RFX4: variants seen among roughly 807,000 people sequenced by gnomAD.
RFX4 encodes the protein transcription factor RFX4.
In RFX4, 10 loss-of-function variants were observed where a neutral mutation model predicts 95.0. The observed-to-expected ratio is 0.11, with a 90% CI of 0.06 to 0.18. The LOEUF (loss-of-function observed/expected upper bound fraction) is 0.18, where lower values mean the gene tolerates loss of function less well. Among genes scored for constraint, RFX4 ranks in the 10% least tolerant of loss-of-function variants. The pLI, the probability that RFX4 is intolerant of heterozygous loss-of-function variation, is 1.00. For missense variants in RFX4, 640 were observed against 922.0 expected (o/e 0.69, Z 3.96); for synonymous variants, 321 against 340.7 (o/e 0.94, Z 0.64).
chr12:106,621,314 A>G (rs1030647318), intron 2 of RFX4, among the ~76,000 whole-genome samples: 4 of 152,208 alleles, frequency 2.6e-5, no homozygotes, highest in African/African-American at 9.6e-5. Context: ...TTCCCACAAC[A>G]CAGCAAGTGT....
chr12:106,752,801 G>A (rs2043034401), intron 17 of RFX4, among the ~76,000 whole-genome samples: 1 of 152,112 alleles, frequency 6.6e-6, no homozygotes, highest in Non-Finnish European at 1.5e-5. Flanking sequence ...GGCCTGTGGG[G>A]AATAGACAGG....
intron 8 of RFX4, among the ~76,000 whole-genome samples, chr12:106,698,130 G>T (rs1005297286): frequency 6.6e-6 from 1 of 151,686 alleles, no homozygotes; most frequent in African/African-American, 2.4e-5. Flanking sequence ...GCACCACCAT[G>T]CCTGGCTAAT....
Position 106,737,162 on chromosome 12 carries a change from G to GTTTTTT in RFX4, c.1633+4112_1633+4117dup, listed in dbSNP as rs556116618. ...TTTCCAGAATAGACTCGGAACTAAA[G>GTTTTTT]TTTTTTTTTTTTTTTTTTTTTTTTT... On this transcript the variant is annotated intron_variant, in intron 15 of 17. Coordinates refer to ENST00000392842, the MANE Select transcript of RFX4 (RefSeq NM_213594.3). 3.5e-4 allele frequency among the ~76,000 whole-genome samples: 19 copies of GTTTTTT among 54,926 alleles called. 4 individuals are homozygous for GTTTTTT. The highest frequency in any genetic ancestry group is 4.9e-4 in the Non-Finnish European group (14 of 28,652). 36.0% of individuals were successfully genotyped at this position (54,926 alleles called of 152,430 possible). A position where few individuals can be genotyped will look rare whatever the true frequency, so the allele number is the denominator to read the frequency against.
At chr12:106,647,016 T>C (rs566485596) in intron 3 of RFX4, among the ~76,000 whole-genome samples, 6 of 152,344 alleles carry the variant, frequency 3.9e-5, no homozygotes, top group Admixed American at 3.3e-4. Flanking sequence ...TTTCTAGACT[T>C]AGCCTCAGTC....
intron 3 of RFX4, among the ~76,000 whole-genome samples, chr12:106,653,329 G>A (rs1227664390): frequency 6.6e-6 from 1 of 152,194 alleles, no homozygotes; most frequent in African/African-American, 2.4e-5. Context: ...TTTCTGGAGA[G>A]GAAGAACGAA....
chr12:106,605,496 A>G (rs2039811301), intron 1 of RFX4, among the ~76,000 whole-genome samples: 1 of 152,184 alleles, frequency 6.6e-6, no homozygotes, highest in South Asian at 2.1e-4. Flanking sequence ...GCATCCACAT[A>G]GTCTGAAATG....
At chr12:106,620,784 CT>C (rs1399023789) in intron 2 of RFX4, among the ~76,000 whole-genome samples, 1 of 152,024 alleles carries the variant, frequency 6.6e-6, no homozygotes, top group Non-Finnish European at 1.5e-5. Flanking sequence ...TATCTCAGTC[CT>C]TATCTCAACC....
chr12:106,727,173 A>G (rs2042516564), intron 13 of RFX4, among the ~76,000 whole-genome samples: 1 of 152,214 alleles, frequency 6.6e-6, no homozygotes, highest in Admixed American at 6.5e-5. Context: ...TATGCCAAAA[A>G]TCCTAGTAGG....
intron 2 of RFX4, among the ~76,000 whole-genome samples, chr12:106,614,663 C>T (rs1483103804): frequency 2.0e-5 from 3 of 151,934 alleles, no homozygotes; most frequent in Admixed American, 1.3e-4. Flanking sequence ...CACCCGCCAC[C>T]ACGCCCGGCT....
intron 8 of RFX4, among the ~76,000 whole-genome samples, chr12:106,705,691 G>T (rs2042070897): frequency 6.6e-6 from 1 of 152,166 alleles, no homozygotes; most frequent in South Asian, 2.1e-4. Context: ...GGAGGCTAGT[G>T]CTGCAGGGAT....
In RFX4 at chr12:106,613,497, G is replaced by A. The variant is rs564581888; in HGVS notation, c.130+4614G>A. ...CCTGCCTCAGCCTCCCACATAGCTG[G>A]GATTACAGGCGCCCACCACCACACC... On this transcript the variant is annotated intron_variant, in intron 2 of 17. Transcript: ENST00000392842. Among the ~76,000 whole-genome samples the A allele has an allele frequency of 6.6e-5, 10 of 151,608 alleles. No homozygotes were observed. The East Asian group carries it at 2.0e-3, about 30-fold the overall frequency.
chr12:106,713,155 C>G (rs1339313479), intron 10 of RFX4, among the ~76,000 whole-genome samples: 2 of 152,194 alleles, frequency 1.3e-5, no homozygotes, highest in Non-Finnish European at 2.9e-5. Context: ...GAAACACCAG[C>G]TAGTATCCCA....
At chr12:106,641,979 A>ATATC (rs1172671496) in intron 3 of RFX4, among the ~76,000 whole-genome samples, 105 of 126,064 alleles carry the variant, frequency 8.3e-4, no homozygotes, top group African/African-American at 3.0e-3. Flanking sequence ...ATCTATATCT[A>ATATC]TATCTATATC....
At position 106,596,838 on chromosome 12, in the gene RFX4, G is replaced by A. The variant is rs2039627115; in HGVS notation, c.44-11959G>A. Among the ~76,000 whole-genome samples, 3 of 152,298 alleles carry A rather than the reference G, an allele frequency of 2.0e-5. No individual in the cohort carries two copies. In the South Asian group the frequency reaches 6.2e-4, roughly 32 times the overall value. ...ACAGTACATAGCATCTGCTAGAGTG[G>A]CTTGCACATAGTTAGTGCTTAATAA... is the stretch of plus-strand genomic sequence containing the variant. On this transcript the variant is annotated intron_variant, in intron 1 of 17. Transcript: ENST00000392842.
intron 2 of RFX4, among the ~76,000 whole-genome samples, chr12:106,620,561 C>T (rs2040163346): frequency 6.6e-6 from 1 of 152,026 alleles, no homozygotes; most frequent in South Asian, 2.1e-4. Context: ...AGCAGAACTA[C>T]TGATAAGGGT....
At chr12:106,666,815 C>G (rs1286598924) in intron 4 of RFX4, among the ~76,000 whole-genome samples, 1 of 152,172 alleles carries the variant, frequency 6.6e-6, no homozygotes, top group Admixed American at 6.5e-5. Flanking sequence ...TGCAGGCTGT[C>G]TAATCTATCA....
chr12:106,732,231 A>C lies in RFX4; in HGVS notation c.1453A>C (p.Lys485Gln). ...ERANELMRAM[K>Q]GEGSTAEVRE... ...GGCCAATGAGCTCATGCGAGCCATG[A>C]AGGGAGAAGGAAGCACTGGTAAGCC... Residue 485 changes from lysine (K) to glutamine (Q), a missense_variant, in exon 14 of 18, where the codon AAG (lysine) becomes CAG (glutamine). Around this residue, in one of 7 missense-constraint regions of RFX4, gnomAD observed 300 missense variants for 346.8 expected, o/e 0.87. Transcript: ENST00000392842. The C allele has an allele frequency of 6.2e-7, 1 of 1,613,982 alleles. No individual in the cohort carries two copies. Among genetic ancestry groups the C allele is most frequent in the Non-Finnish European group, 8.5e-7 (1 of 1,179,872 alleles).
chr12:106,746,602 A>C (rs1260616655), intron 15 of RFX4, among the ~76,000 whole-genome samples: 1 of 152,102 alleles, frequency 6.6e-6, no homozygotes, highest in Non-Finnish European at 1.5e-5. Context: ...TTTATCCCCC[A>C]GTCTTTAGCA....
intron 17 of RFX4, among the ~76,000 whole-genome samples, chr12:106,756,284 A>G (rs2043106806): frequency 6.6e-6 from 1 of 152,248 alleles, no homozygotes; most frequent in Non-Finnish European, 1.5e-5. Flanking sequence ...CATAGCTACA[A>G]AATCTTTCTG....
Sources: allele counts gnomAD v4.1 joint callset (sites outside exome capture counted in the v4.1 genomes callset), GRCh38; gene constraint gnomAD v4.1.1; regional missense constraint gnomAD v4.1.1; transcripts MANE v1.5; gene names NCBI Gene and HGNC (gene_info 2026-07-23, HGNC 2026-07-21).